Variants in TRIM37 observed in about 807,000 individuals in gnomAD.
TRIM37 encodes the protein tripartite motif containing 37.
Under a neutral mutation model 129.8 loss-of-function variants are expected in TRIM37, and 80 were observed. The observed-to-expected ratio is 0.62, with a 90% CI of 0.51 to 0.74. TRIM37 has a LOEUF of 0.74. TRIM37 is among the 30% of genes least tolerant of loss of function. The pLI is 0.00. For synonymous variants in TRIM37, 389 were observed against 387.1 expected (o/e 1.00, Z -0.06); for missense variants, 1,054 against 1,176.5 (o/e 0.90, Z 1.52).
chr17:59,004,021 C>T (rs914345281), intron 22 of TRIM37, among the ~76,000 whole-genome samples: 1 of 151,600 alleles, frequency 6.6e-6, no homozygotes. Flanking sequence ...AGGAGGGAGG[C>T]CCACTTGAGC....
chr17:59,087,716 G>C (rs531106042), intron 4 of TRIM37, among the ~76,000 whole-genome samples: 213 of 151,966 alleles, frequency 1.4e-3, no homozygotes, highest in Non-Finnish European at 2.7e-3. Flanking sequence ...AAGTGACAAG[G>C]CTTTATTTCT....
At chr17:59,020,337 T>C (rs558317591) in intron 19 of TRIM37, among the ~76,000 whole-genome samples, 2 of 151,006 alleles carry the variant, frequency 1.3e-5, no homozygotes, top group South Asian at 2.1e-4. Context: ...GAACTTGGTC[T>C]TTGAGGAGAT....
At position 59,062,556 on chromosome 17, in the gene TRIM37, GA is replaced by G. The variant is rs755676196; in HGVS notation, c.942+10del. 6.2e-7 allele frequency: 1 copy of G among 1,610,164 alleles called. No individual in the cohort carries two copies. Among genetic ancestry groups the G allele is most frequent in the Non-Finnish European group, 8.5e-7 (1 of 1,176,734 alleles). On this transcript the variant is annotated intron_variant, in intron 11 of 23. Transcript: ENST00000262294. ...TGGTTTCAAAATTTATTAGAAATAT[GA>G]AAAACTTACTGGGTAAACTTTTAAC...
chr17:59,015,640 A>G lies in TRIM37; in HGVS notation c.2546T>C (p.Val849Ala), dbSNP rs769177962. The change falls in exon 21 of 24, where the codon GTT becomes GCT. Residue 849 changes from valine to alanine, a missense_variant. Coordinates refer to ENST00000262294, the MANE Select transcript of TRIM37 (RefSeq NM_015294.6). ...VVAVFSGLPA[V>A]EKRRKMVTLG... ...GGTGACCATTTTCCTCCTTTTCTCAACCGCAGGCAAGCCACTGAAAACTGC... is the reference window on the plus strand; with the variant it reads ...GGTGACCATTTTCCTCCTTTTCTCAGCCGCAGGCAAGCCACTGAAAACTGC... The G allele has an allele frequency of 6.2e-7, 1 of 1,614,010 alleles. No individual in the cohort carries two copies. Among genetic ancestry groups the G allele is most frequent in the South Asian group, 1.1e-5 (1 of 91,062 alleles).
chr17:59,037,292 A>T (rs529916775), intron 17 of TRIM37, among the ~76,000 whole-genome samples: 1 of 151,940 alleles, frequency 6.6e-6, no homozygotes, highest in Admixed American at 6.6e-5. Flanking sequence ...GGTGCAGTGG[A>T]TCACACCTGT....
In TRIM37 at chr17:59,106,562, C is replaced by A. The variant is rs2046021914; in HGVS notation, c.-101G>T. On this transcript the variant is annotated 5_prime_UTR_variant, in exon 1 of 24. Coordinates refer to ENST00000262294, the MANE Select transcript of TRIM37 (RefSeq NM_015294.6). The stretch of plus-strand genomic sequence containing the variant: ...CGCCAGATCAAATCGCCGATAAAAG[C>A]CCGGCGCCCACGTCAGGGGGCTCTG... 3.4e-6 allele frequency: 5 copies of A among 1,461,698 alleles called. No homozygotes were observed. The highest frequency in any genetic ancestry group is 4.7e-6 in the Non-Finnish European group (5 of 1,059,344). The allele number at this position is 1,461,698 out of a possible 1,614,324, so 90.5% of individuals were successfully genotyped here.
the TRIM37 span, chr17:58,972,989 T>TCAATCC: frequency 9.2e-7 from 1 of 1,089,066 alleles, no homozygotes; most frequent in Non-Finnish European, 1.4e-6. Context: ...CTGTATCAAC[T>TCAATCC]CTGATACAGG....
At chr17:58,980,978 A>G (rs1378699977), downstream of TRIM37, 8 of 1,614,058 alleles carry the variant, frequency 5.0e-6, no homozygotes, top group Admixed American at 5.0e-5. The surrounding 1 kb of genome is among the most constrained non-coding windows in gnomAD (Gnocchi z 4.7). Context: ...GAAGCTCAGA[A>G]AGACTCATGA....
chr17:59,094,838 G>A (rs2044710231), intron 2 of TRIM37, among the ~76,000 whole-genome samples: 1 of 152,162 alleles, frequency 6.6e-6, no homozygotes, highest in African/African-American at 2.4e-5. Context: ...AAGTCCAAAT[G>A]AAGGTAGTTA....
At chr17:58,994,488 G>C (rs1598767916), downstream of TRIM37, among the ~76,000 whole-genome samples, 1 of 152,324 alleles carries the variant, frequency 6.6e-6, no homozygotes, top group Middle Eastern at 3.4e-3. Context: ...CTGAGAGGCT[G>C]AGGTGGGAGG....
chr17:58,980,440 C>T (rs374167393), downstream of TRIM37: 4 of 1,613,918 alleles, frequency 2.5e-6, no homozygotes, highest in African/African-American at 5.3e-5. This position sits in a 1 kb window ranked among gnomAD's most constrained non-coding sequence, Gnocchi z 4.7. Context: ...GCCCAGGGTC[C>T]CAAATCAACG....
chr17:58,969,783 G>T, the TRIM37 span: 1 of 1,542,742 alleles, frequency 6.5e-7, no homozygotes, highest in Non-Finnish European at 8.9e-7. Context: ...GCTCAATTTG[G>T]TCTGTGTGGT....
intron 10 of TRIM37, among the ~76,000 whole-genome samples, chr17:59,063,857 T>TTTTA: frequency 6.6e-6 from 1 of 152,308 alleles, no homozygotes; most frequent in East Asian, 1.9e-4. Context: ...TTATTTAAAA[T>TTTTA]GGTTCCTCAC....
chr17:58,981,556 T>C (rs552055651), downstream of TRIM37: 1 of 152,800 alleles, frequency 6.5e-6, no homozygotes, highest in East Asian at 1.9e-4. Flanking sequence ...AAAAGCCATA[T>C]GGATTTTAAC....
At chr17:59,020,453 G>A (rs1206003201) in intron 19 of TRIM37, among the ~76,000 whole-genome samples, 6 of 151,398 alleles carry the variant, frequency 4.0e-5, no homozygotes, top group Admixed American at 3.9e-4. Flanking sequence ...ATATGCACAA[G>A]AAGTTTTAAA....
chr17:59,040,800 A>G (rs2039054923), intron 17 of TRIM37, among the ~76,000 whole-genome samples: 1 of 151,634 alleles, frequency 6.6e-6, no homozygotes, highest in Non-Finnish European at 1.5e-5. Context: ...TAATCCCAGC[A>G]CTTTGGGAGG....
intron 20 of TRIM37, among the ~76,000 whole-genome samples, chr17:59,016,169 G>A (rs543326695): frequency 6.6e-6 from 1 of 152,048 alleles, no homozygotes; most frequent in Admixed American, 6.6e-5. Context: ...TAAGGCGGAT[G>A]GATCACCTGA....
intron 22 of TRIM37, among the ~76,000 whole-genome samples, chr17:59,006,243 C>T (rs757036952): frequency 9.2e-5 from 14 of 152,064 alleles, no homozygotes; most frequent in Non-Finnish European, 2.1e-4. Context: ...AATGGCTGGA[C>T]GTCAATGATA....
chr17:58,984,767 C>A (rs2031641580), intron 24 of TRIM37: 1 of 152,422 alleles, frequency 6.6e-6, no homozygotes, highest in African/African-American at 2.4e-5. Flanking sequence ...CTTAAAGCAG[C>A]ATTTTATCTT....
Sources: gnomAD v4.1 joint callset for allele counts (sites outside exome capture counted in the v4.1 genomes callset) on GRCh38, gnomAD v4.1.1 for gene constraint, Gnocchi (gnomAD v3.1) non-coding constraint, MANE v1.5 for transcripts, NCBI Gene and HGNC (gene_info 2026-07-23, HGNC 2026-07-21) for gene names.